Variants in PLB1 observed in about 807,000 individuals in gnomAD.
PLB1 encodes phospholipase B1, membrane-associated.
A neutral mutation model predicts 227.4 loss-of-function variants in PLB1; 242 were observed. The ratio of observed to expected loss-of-function variants is 1.06; its 90% CI spans 0.96 to 1.18. The LOEUF is 1.18. Among genes scored for constraint, PLB1 ranks in the 50% most tolerant of loss-of-function variants. The pLI is 0.00. For synonymous variants in PLB1, 757 were observed against 682.2 expected (o/e 1.11, Z -1.71); for missense variants, 1,858 against 1,816.3 (o/e 1.02, Z -0.42).
At chr2:28,610,176 A>T (rs1170882145) in intron 43 of PLB1, among the ~76,000 whole-genome samples, 1 of 152,118 alleles carries the variant, frequency 6.6e-6, no homozygotes, top group Non-Finnish European at 1.5e-5. Flanking sequence ...TACATGTGCC[A>T]TGGTGGTTTG....
At chr2:28,639,594 C>G (rs180955397) in intron 56 of PLB1, among the ~76,000 whole-genome samples, 10 of 152,218 alleles carry the variant, frequency 6.6e-5, no homozygotes, top group Middle Eastern at 6.8e-3. Context: ...TGTGTACTGA[C>G]GAGAAGGAAC....
At chr2:28,502,075 C>CA (rs1466576039) in intron 1 of PLB1, among the ~76,000 whole-genome samples, 1 of 152,088 alleles carries the variant, frequency 6.6e-6, no homozygotes, top group Non-Finnish European at 1.5e-5. Flanking sequence ...AGGATTGTAC[C>CA]AATTTGCATT....
At chr2:28,604,861 C>A in intron 41 of PLB1, 102 bp downstream of exon 41, 1 of 1,056,426 alleles carries the variant, frequency 9.5e-7, no homozygotes, top group Non-Finnish European at 1.4e-6. Flanking sequence ...GGGAAAGACA[C>A]AGCTCTCCAG....
chr2:28,560,298 TGAGGTAATTGGGGGA>T (rs977274526), intron 17 of PLB1, among the ~76,000 whole-genome samples: 4 of 151,792 alleles, frequency 2.6e-5, no homozygotes, highest in African/African-American at 9.7e-5. Flanking sequence ...ACCTTGGGGG[TGAGGTAATTGGGGGA>T]GTGGGAGGTG....
In PLB1 at chr2:28,628,614, A is replaced by G. The variant is rs760772166; in HGVS notation, c.3712A>G (p.Ile1238Val). The G allele has an allele frequency of 1.2e-6, 2 of 1,613,994 alleles. No individual in the cohort carries two copies. The highest frequency in any genetic ancestry group is 1.3e-5 in the African/African-American group (1 of 74,904). ...YVQHIQQALD[I>V]LSEELPRAFV... The stretch of plus-strand genomic sequence containing the variant: ...TCAGCACATCCAACAGGCCCTGGAC[A>G]TCCTCTCTGAGGAGGTAGGAGAGGG... The change falls in exon 52 of 58, where the codon ATC becomes GTC. Residue 1238 changes from isoleucine (I) to valine (V), a missense_variant. Ile to Val is a conservative substitution (Grantham distance 29). Transcript: ENST00000327757.
intron 20 of PLB1, among the ~76,000 whole-genome samples, chr2:28,567,542 C>T (rs1677216760): frequency 1.4e-5 from 2 of 140,578 alleles, no homozygotes; most frequent in African/African-American, 5.5e-5. Flanking sequence ...GGCGCCATCT[C>T]AGCTCATTGC....
intron 56 of PLB1, among the ~76,000 whole-genome samples, chr2:28,640,190 C>T (rs750232768): frequency 1.8e-4 from 28 of 152,274 alleles, no homozygotes; most frequent in East Asian, 5.8e-4. Context: ...GGAGGCTAGA[C>T]GTTCCAAACA....
chr2:28,630,690 T>G (rs1369426937), intron 54 of PLB1, 26 bp downstream of exon 54: 2 of 1,590,876 alleles, frequency 1.3e-6, no homozygotes, highest in Non-Finnish European at 1.7e-6. Context: ...CTTCTCTTAC[T>G]GACCCAGCTG....
intron 23 of PLB1, 132 bp downstream of exon 23, chr2:28,579,839 G>A (rs940040030): frequency 4.1e-6 from 3 of 737,988 alleles, no homozygotes; most frequent in African/African-American, 3.5e-5. Flanking sequence ...ATCCAGCCTG[G>A]GATGAACCCT....
intron 6 of PLB1, 148 bp from the exon 7 acceptor site, chr2:28,529,169 T>C (rs1280165501): frequency 3.3e-6 from 2 of 614,826 alleles, no homozygotes; most frequent in Non-Finnish European, 5.8e-6. Flanking sequence ...GGTCTCAAAC[T>C]CTTGGGCTCA....
chr2:28,558,348 C>G (rs1203990151), intron 17 of PLB1, among the ~76,000 whole-genome samples: 1 of 152,122 alleles, frequency 6.6e-6, no homozygotes, highest in East Asian at 1.9e-4. Flanking sequence ...AGCTAGTGTT[C>G]ACAGGATTCA....
chr2:28,501,462 C>A (rs1212298093), intron 1 of PLB1, among the ~76,000 whole-genome samples: 1 of 152,138 alleles, frequency 6.6e-6, no homozygotes, highest in Non-Finnish European at 1.5e-5. Flanking sequence ...AACCTAGTGG[C>A]ATACAGTTAA....
At chr2:28,520,694 C>T (rs966801388) in intron 4 of PLB1, among the ~76,000 whole-genome samples, 2 of 152,040 alleles carry the variant, frequency 1.3e-5, no homozygotes, top group Non-Finnish European at 1.5e-5. Context: ...TGAAATTGGC[C>T]AGGTGTGGTG....
At chr2:28,541,333 ATC>A (rs1216567186) in intron 12 of PLB1, among the ~76,000 whole-genome samples, 2 of 152,336 alleles carry the variant, frequency 1.3e-5, no homozygotes, top group East Asian at 1.9e-4. Flanking sequence ...GTTGCATGGT[ATC>A]TCTCTCGCTC....
intron 43 of PLB1, among the ~76,000 whole-genome samples, chr2:28,612,206 C>T (rs753473390): frequency 1.2e-4 from 18 of 152,268 alleles, no homozygotes; most frequent in Admixed American, 2.6e-4. Flanking sequence ...ATGCTGAGAC[C>T]AGGGAAAGGG....
chr2:28,581,076 C>T (rs1237598645), intron 23 of PLB1, among the ~76,000 whole-genome samples: 1 of 152,154 alleles, frequency 6.6e-6, no homozygotes, highest in African/African-American at 2.4e-5. Context: ...TGTTAAGTGA[C>T]ACAGCTTTCA....
chr2:28,641,481 G>A (rs184165943), intron 57 of PLB1, among the ~76,000 whole-genome samples: 33 of 152,276 alleles, frequency 2.2e-4, no homozygotes, highest in African/African-American at 7.2e-4. Context: ...GGTGGCGGGC[G>A]CCTGTCATCC....
At position 28,582,420 on chromosome 2, in the gene PLB1, G is replaced by T. The variant is rs1371798361; in HGVS notation, c.1648G>T (p.Val550Leu). The change falls in exon 25 of 58, where the codon GTG becomes TTG. Residue 550 changes from valine to leucine, a missense_variant. Transcript: ENST00000327757. ...CTTTTCTCAGGTTCCTCGGGCATTTGTGAACCTGGTGACGGTGCTTGAGAT... is the reference window on the plus strand; with the variant it reads ...CTTTTCTCAGGTTCCTCGGGCATTTTTGAACCTGGTGACGGTGCTTGAGAT... The part of the protein sequence containing the change: ...ILHAEVPRAF[V>L]NLVTVLEIVN... The T allele has an allele frequency of 1.9e-6, 3 of 1,613,156 alleles. No homozygotes were observed. The African/African-American group carries it at 4.0e-5, about 22-fold the overall frequency.
Position 28,519,753 on chromosome 2 carries a change from A to G in PLB1, c.233A>G (p.Asn78Ser). 1 of 1,611,656 alleles carries G rather than the reference A, an allele frequency of 6.2e-7. No homozygotes were observed. Residue 78 changes from asparagine to serine, a missense_variant, in exon 4 of 58, where the codon AAT (asparagine) becomes AGT (serine). Transcript: ENST00000327757. ...SDIKFVAAIG[N>S]LEIPPDPGTG... is the part of the protein sequence containing the mutation. ...ATTAAATTTGTGGCAGCCATTGGCA[A>G]TCTGGAAATTGTGAGTATTTGAAGT...
Sources: gnomAD v4.1 joint callset for allele counts (sites outside exome capture counted in the v4.1 genomes callset) on GRCh38, gnomAD v4.1.1 for gene constraint, MANE v1.5 for transcripts, NCBI Gene and HGNC (gene_info 2026-07-23, HGNC 2026-07-21) for gene names.